Variants in PPP2R2C observed in about 807,000 individuals in gnomAD.
The protein encoded by PPP2R2C is protein phosphatase 2, regulatory subunit B, gamma.
PPP2R2C carries 10 observed loss-of-function variants against 45.3 expected under a neutral mutation model. The ratio of observed to expected loss-of-function variants is 0.22; its 90% CI spans 0.14 to 0.37. The LOEUF (loss-of-function observed/expected upper bound fraction) is 0.37. PPP2R2C is among the 10% of genes least tolerant of loss of function. The pLI is 1.00. For missense variants in PPP2R2C, 308 were observed against 619.7 expected, an observed-to-expected ratio of 0.50 and a Z score of 5.34; for synonymous variants, 257 against 245.4, an observed-to-expected ratio of 1.05 and a Z score of -0.44.
intron 6 of PPP2R2C, among the ~76,000 whole-genome samples, chr4:6,339,323 T>C (rs73075146): frequency 0.017 from 2,595 of 152,296 alleles, 87 homozygotes; most frequent in African/African-American, 0.059. Flanking sequence ...GCACAGACCC[T>C]GCCTCATGGC....
intron 2 of PPP2R2C, among the ~76,000 whole-genome samples, chr4:6,492,219 G>T (rs1027907155): frequency 6.6e-6 from 1 of 152,160 alleles, no homozygotes; most frequent in African/African-American, 2.4e-5. Flanking sequence ...GCCAGTAGCA[G>T]CTCCAAGGAC....
At chr4:6,355,483 C>T (rs188421545) in intron 5 of PPP2R2C, among the ~76,000 whole-genome samples, 1 of 143,108 alleles carries the variant, frequency 7.0e-6, no homozygotes, top group Non-Finnish European at 1.5e-5. Context: ...CTAACCTGTA[C>T]AATGTGCACA....
At chr4:6,469,342 G>T (rs114261107) in intron 1 of PPP2R2C, among the ~76,000 whole-genome samples, 236 of 152,262 alleles carry the variant, frequency 1.5e-3, no homozygotes, top group African/African-American at 5.4e-3. Flanking sequence ...AAAGAAAATG[G>T]CCTGCTCAAG....
chr4:6,345,972 C>T lies in PPP2R2C; in HGVS notation c.790+1874G>A, dbSNP rs918341737. Among the ~76,000 whole-genome samples the T allele has an allele frequency of 1.3e-5, 2 of 152,164 alleles. No homozygotes were observed. Among genetic ancestry groups the T allele is most frequent in the Admixed American group, 1.3e-4 (2 of 15,278 alleles). ...GGCCTCAGGCTCGCGGGTCTGAAACCTGCCTGCTGGTCCCTGGCACCCCCT... is the reference window on the plus strand; with the variant it reads ...GGCCTCAGGCTCGCGGGTCTGAAACTTGCCTGCTGGTCCCTGGCACCCCCT... On this transcript the variant is annotated intron_variant, in intron 6 of 8. Transcript: ENST00000382599. This position sits in a 1 kb window ranked among gnomAD's most constrained non-coding sequence, Gnocchi z 5.3.
chr4:6,392,186 G>T (rs1716690310), intron 1 of PPP2R2C, among the ~76,000 whole-genome samples: 2 of 152,140 alleles, frequency 1.3e-5, no homozygotes, highest in African/African-American at 4.8e-5. Flanking sequence ...ATTTAAAAAT[G>T]GTTCAGATGG....
chr4:6,372,743 G>T, intron 4 of PPP2R2C, 43 bp from the exon 5 acceptor site: 1 of 1,589,374 alleles, frequency 6.3e-7, no homozygotes, highest in African/African-American at 1.3e-5. Flanking sequence ...AGGCCAGGTG[G>T]TGGCATCAGG....
intron 1 of PPP2R2C, among the ~76,000 whole-genome samples, chr4:6,559,037 C>T (rs1444969037): frequency 6.6e-6 from 1 of 152,252 alleles, no homozygotes; most frequent in Non-Finnish European, 1.5e-5. Flanking sequence ...TGTGGCTCTG[C>T]AATGCCAGGG....
chr4:6,467,355 A>G (rs995012815), intron 1 of PPP2R2C, among the ~76,000 whole-genome samples: 2 of 149,834 alleles, frequency 1.3e-5, no homozygotes, highest in Non-Finnish European at 2.9e-5. Flanking sequence ...CCTAAAGAAT[A>G]GACATCATCA....
At position 6,367,064 on chromosome 4, in the gene PPP2R2C, A is replaced by G. The variant is rs186878156; in HGVS notation, c.625+5459T>C. Among the ~76,000 whole-genome samples, 509 of 151,394 alleles carry G rather than the reference A, an allele frequency of 3.4e-3. 1 individual carries two copies. Among genetic ancestry groups the G allele is most frequent in the Middle Eastern group, 0.017 (5 of 294 alleles). On this transcript the variant is annotated intron_variant, in intron 5 of 8. Coordinates refer to ENST00000382599, the MANE Select transcript of PPP2R2C (RefSeq NM_020416.4). The stretch of plus-strand genomic sequence containing the variant: ...ATTCTGAGGGTGAGAGAGAGGGAGG[A>G]GGCTGGGAGGGCTCCTCTTCCTTGA...
chr4:6,377,531 C>T (rs1477852396), intron 3 of PPP2R2C, among the ~76,000 whole-genome samples: 3 of 152,056 alleles, frequency 2.0e-5, no homozygotes, highest in Admixed American at 6.5e-5. Flanking sequence ...TGGTGTTGGA[C>T]GCCTGTAATT....
chr4:6,466,826 T>C (rs1721620920), intron 1 of PPP2R2C, among the ~76,000 whole-genome samples: 1 of 152,028 alleles, frequency 6.6e-6, no homozygotes, highest in African/African-American at 2.4e-5. Flanking sequence ...AGAAAGAAAA[T>C]GAGAAAAACC....
intron 1 of PPP2R2C, among the ~76,000 whole-genome samples, chr4:6,422,026 G>A (rs546875947): frequency 1.3e-5 from 2 of 151,570 alleles, no homozygotes; most frequent in Admixed American, 6.6e-5. Context: ...CCCCTGAGAC[G>A]CTGCAGCCGG....
At chr4:6,458,716 G>GGGT (rs5855916) in intron 1 of PPP2R2C, among the ~76,000 whole-genome samples, 95,780 of 151,792 alleles carry the variant, frequency 0.63, 31,487 homozygotes, top group East Asian at 0.8. Flanking sequence ...GTGCTGAGCT[G>GGGT]GCAGGGTGCA....
chr4:6,494,596 G>C (rs536973186), intron 2 of PPP2R2C, among the ~76,000 whole-genome samples: 14 of 152,266 alleles, frequency 9.2e-5, no homozygotes, highest in African/African-American at 3.1e-4. Context: ...CCCTAACTCA[G>C]ACACTCACAG....
At chr4:6,362,176 C>T (rs79940584) in intron 5 of PPP2R2C, among the ~76,000 whole-genome samples, 3,964 of 152,118 alleles carry the variant, frequency 0.026, 59 homozygotes, top group African/African-American at 0.047. Context: ...TCAGAGGGAG[C>T]ATAGGCTCTG....
At position 6,360,662 on chromosome 4, in the gene PPP2R2C, T is replaced by C. The variant is rs551993625; in HGVS notation, c.625+11861A>G. Among the ~76,000 whole-genome samples the C allele has an allele frequency of 2.0e-5, 3 of 152,344 alleles. No individual in the cohort carries two copies. In the South Asian group the frequency reaches 6.2e-4, roughly 32 times the overall value. On this transcript the variant is annotated intron_variant, in intron 5 of 8. Transcript: ENST00000382599. Reference sequence around the variant, plus strand: ...CATGGAGTTCATCTTGAAAAACTGCTTTTTCAGCAAATCTCCAAAAGATGA... The same window carrying C: ...CATGGAGTTCATCTTGAAAAACTGCCTTTTCAGCAAATCTCCAAAAGATGA...
At chr4:6,528,356 C>T (rs1054289050) in intron 2 of PPP2R2C, among the ~76,000 whole-genome samples, 2 of 152,194 alleles carry the variant, frequency 1.3e-5, no homozygotes, top group African/African-American at 4.8e-5. Flanking sequence ...GTGCTCAGGC[C>T]CAGGCAAGGT....
intron 1 of PPP2R2C, among the ~76,000 whole-genome samples, chr4:6,392,293 G>A (rs972032428): frequency 2.6e-5 from 4 of 152,164 alleles, no homozygotes; most frequent in African/African-American, 9.7e-5. Context: ...TGCATACACT[G>A]GAAATTCAGC....
chr4:6,518,475 G>C (rs1723900103), intron 2 of PPP2R2C, among the ~76,000 whole-genome samples: 1 of 152,174 alleles, frequency 6.6e-6, no homozygotes, highest in Non-Finnish European at 1.5e-5. Context: ...CATCACTACA[G>C]ATGCCATGGA....
Sources: allele counts gnomAD v4.1 joint callset (sites outside exome capture counted in the v4.1 genomes callset), GRCh38; gene constraint gnomAD v4.1.1; non-coding constraint Gnocchi (gnomAD v3.1); transcripts MANE v1.5; gene names NCBI Gene and HGNC (gene_info 2026-07-23, HGNC 2026-07-21).